Variants in DNM3 observed in about 807,000 individuals in gnomAD.
DNM3 encodes the protein dynamin 3, also known as dynamin-3.
A neutral mutation model predicts 101.6 loss-of-function variants in DNM3; 47 were observed. The observed-to-expected ratio is 0.46, with a 90% CI of 0.37 to 0.59. The LOEUF (loss-of-function observed/expected upper bound fraction) is 0.59, where lower values mean the gene tolerates loss of function less well. DNM3 is among the 20% of genes least tolerant of loss of function. The probability of loss-of-function intolerance (pLI) is 0.00; values close to 1 mark genes in which losing one functional copy is unlikely to be tolerated. For missense variants in DNM3, 849 were observed against 1,085.7 expected, an observed-to-expected ratio of 0.78 and a Z score of 3.06; for synonymous variants, 385 against 387.9, an observed-to-expected ratio of 0.99 and a Z score of 0.09.
At chr1:172,343,422 A>G (rs1360645081) in intron 17 of DNM3, among the ~76,000 whole-genome samples, 1 of 152,196 alleles carries the variant, frequency 6.6e-6, no homozygotes, top group East Asian at 1.9e-4. Flanking sequence ...GCTGTCCTTT[A>G]AAGTATATGA....
intron 14 of DNM3, among the ~76,000 whole-genome samples, chr1:172,209,543 G>A (rs1170356588): frequency 6.6e-6 from 1 of 151,888 alleles, no homozygotes; most frequent in Non-Finnish European, 1.5e-5. Context: ...ACACTGACTG[G>A]TCTCTGAGGC....
chr1:172,294,467 G>A (rs2064062287), intron 15 of DNM3, among the ~76,000 whole-genome samples: 2 of 152,104 alleles, frequency 1.3e-5, no homozygotes, highest in African/African-American at 4.8e-5. Flanking sequence ...AAGGATTGGG[G>A]TAGACCCAGA....
At chr1:172,378,915 T>A in intron 17 of DNM3, 103 bp from the exon 18 acceptor site, 1 of 1,304,330 alleles carries the variant, frequency 7.7e-7, no homozygotes, top group Non-Finnish European at 1.0e-6. Flanking sequence ...TGATATAAAC[T>A]CCAACTATGC....
Position 171,922,217 on chromosome 1 carries a change from T to C in DNM3, c.235+396T>C, listed in dbSNP as rs61451191. On this transcript the variant is annotated intron_variant, in intron 2 of 20. Coordinates refer to ENST00000627582, the MANE Select transcript of DNM3 (RefSeq NM_015569.5). Reference sequence around the variant, plus strand: ...CATAAAATTCAACAACCATATAATATCTGTATGGATGTGTATGTGCGTATC... The same window carrying C: ...CATAAAATTCAACAACCATATAATACCTGTATGGATGTGTATGTGCGTATC... Among the ~76,000 whole-genome samples the C allele has an allele frequency of 9.7e-3, 1,470 of 152,144 alleles. 24 individuals carry two copies. Among genetic ancestry groups the C allele is most frequent in the African/African-American group, 0.034 (1,403 of 41,504 alleles).
At chr1:172,132,804 C>A in intron 14 of DNM3, 1 of 699,598 alleles carries the variant, frequency 1.4e-6, no homozygotes, top group Non-Finnish European at 2.6e-6. Flanking sequence ...CTACTACTAT[C>A]CCTATTGTTG....
At position 172,166,710 on chromosome 1, in the gene DNM3, AT is replaced by A. The variant is rs201064404; in HGVS notation, c.1659+35429del. Among the ~76,000 whole-genome samples the A allele has an allele frequency of 4.5e-4, 67 of 147,658 alleles. No homozygotes were observed. In the East Asian group the frequency reaches 0.012, roughly 26 times the overall value. On this transcript the variant is annotated intron_variant, in intron 14 of 20. Transcript: ENST00000627582. ...TACATTTCCCCATCCTACCCAACAT[AT>A]TTTTTTGCTAGTCATTTTAATCTCA...
intron 2 of DNM3, among the ~76,000 whole-genome samples, chr1:171,939,160 A>G (rs1024180571): frequency 6.6e-6 from 1 of 152,258 alleles, no homozygotes; most frequent in East Asian, 1.9e-4. Context: ...CAATATTGAG[A>G]TCAATTTTTG....
intron 15 of DNM3, 96 bp downstream of exon 15, chr1:172,253,778 C>G: frequency 1.4e-6 from 1 of 714,888 alleles, no homozygotes. Flanking sequence ...TTGGTCACAC[C>G]TTGAAATTTG....
chr1:172,129,263 T>C (rs549615364), intron 13 of DNM3, among the ~76,000 whole-genome samples: 1 of 152,334 alleles, frequency 6.6e-6, no homozygotes, highest in East Asian at 1.9e-4. Context: ...TTTGATTGTA[T>C]GTGTGCATGC....
intron 20 of DNM3, among the ~76,000 whole-genome samples, chr1:172,396,815 T>G (rs2070042315): frequency 1.3e-5 from 2 of 152,226 alleles, no homozygotes; most frequent in Non-Finnish European, 2.9e-5. Flanking sequence ...TTCATTTATC[T>G]CAAAAGATTA....
At chr1:172,224,017 A>G (rs1057439520) in intron 14 of DNM3, among the ~76,000 whole-genome samples, 7 of 152,194 alleles carry the variant, frequency 4.6e-5, no homozygotes, top group Non-Finnish European at 1.0e-4. Context: ...TTTGCTGCTT[A>G]CTGAATTTAA....
chr1:172,166,957 A>C (rs1043985498), intron 14 of DNM3, among the ~76,000 whole-genome samples: 1 of 151,716 alleles, frequency 6.6e-6, no homozygotes, highest in Non-Finnish European at 1.5e-5. Context: ...TCTAGGATAC[A>C]TGTGCACAAC....
At chr1:172,189,669 G>C (rs629316) in intron 14 of DNM3, among the ~76,000 whole-genome samples, 75,907 of 151,830 alleles carry the variant, frequency 0.5, 21,008 homozygotes, top group African/African-American at 0.75. Context: ...AGAAATACCT[G>C]AGGCTGGGTA....
intron 1 of DNM3, among the ~76,000 whole-genome samples, chr1:171,852,457 G>T (rs887534021): frequency 2.0e-5 from 3 of 152,310 alleles, no homozygotes; most frequent in Middle Eastern, 3.4e-3. Context: ...ATTGTGTGAG[G>T]CTCTGGTATG....
At chr1:172,036,432 G>GGTACCA (rs2048971692) in intron 6 of DNM3, among the ~76,000 whole-genome samples, 1 of 151,780 alleles carries the variant, frequency 6.6e-6, no homozygotes, top group South Asian at 2.1e-4. Flanking sequence ...GCATGGTACT[G>GGTACCA]GTACCAAAAC....
At chr1:171,941,390 A>C (rs12059900) in intron 2 of DNM3, among the ~76,000 whole-genome samples, 3,668 of 152,290 alleles carry the variant, frequency 0.024, 149 homozygotes, top group African/African-American at 0.083. Context: ...CCTGGATACT[A>C]TAATAGCAGA....
chr1:172,261,136 T>C (rs1371846149), intron 15 of DNM3, among the ~76,000 whole-genome samples: 1 of 152,214 alleles, frequency 6.6e-6, no homozygotes, highest in Non-Finnish European at 1.5e-5. Flanking sequence ...TATTGGGATC[T>C]GTTGCTGGAT....
intron 14 of DNM3, among the ~76,000 whole-genome samples, chr1:172,141,860 G>C (rs1251994517): frequency 6.6e-6 from 1 of 152,028 alleles, no homozygotes. Flanking sequence ...TTTGAGATCT[G>C]TGGCCTAAAA....
chr1:172,191,894 T>C (rs907906657), intron 14 of DNM3, among the ~76,000 whole-genome samples: 1 of 152,194 alleles, frequency 6.6e-6, no homozygotes, highest in Non-Finnish European at 1.5e-5. Flanking sequence ...TGAAGTTGCT[T>C]ATCAGCTTAA....
Sources: gnomAD v4.1 joint callset for allele counts (sites outside exome capture counted in the v4.1 genomes callset) on GRCh38, gnomAD v4.1.1 for gene constraint, MANE v1.5 for transcripts, NCBI Gene and HGNC (gene_info 2026-07-23, HGNC 2026-07-21) for gene names.